Variants in MALRD1 observed in about 807,000 individuals in gnomAD.
MALRD1 encodes MAM and LDL-receptor class A domain-containing protein 1.
MALRD1 carries 247 observed loss-of-function variants against 242.1 expected under a neutral mutation model. The observed-to-expected ratio is 1.02, with a 90% CI of 0.92 to 1.13. The LOEUF is 1.13. Ranked by LOEUF, MALRD1 falls within the 50% of genes most tolerant of loss-of-function variation. The probability of loss-of-function intolerance (pLI) is 0.00; values close to 1 mark genes in which losing one functional copy is unlikely to be tolerated. For missense variants in MALRD1, 2,989 were observed against 2,533.1 expected (o/e 1.18, Z -3.86); for synonymous variants, 995 against 866.6 (o/e 1.15, Z -2.60).
In MALRD1 at chr10:19,418,932, C is replaced by T. The variant is rs137880217; in HGVS notation, c.4845+29323C>T. Among the ~76,000 whole-genome samples the T allele has an allele frequency of 4.6e-3, 702 of 152,272 alleles. 3 individuals carry two copies. The highest frequency in any genetic ancestry group is 0.016 in the African/African-American group (668 of 41,568). On this transcript the variant is annotated intron_variant, in intron 28 of 39. Coordinates refer to ENST00000454679, the MANE Select transcript of MALRD1 (RefSeq NM_001142308.3). ...GGGACAGTGCCCTTTATCCACATTG[C>T]CTCCTTGAAAGCTATTCTGTCTATC...
chr10:19,419,056 C>A (rs1833617814), intron 28 of MALRD1, among the ~76,000 whole-genome samples: 1 of 152,130 alleles, frequency 6.6e-6, no homozygotes, highest in Admixed American at 6.6e-5. Context: ...TGAACTCAAC[C>A]ATTTCAGTAT....
intron 24 of MALRD1, among the ~76,000 whole-genome samples, chr10:19,345,278 C>T (rs894065348): frequency 7.9e-5 from 12 of 152,068 alleles, no homozygotes; most frequent in Non-Finnish European, 1.8e-4. Context: ...ATCTGTTTTT[C>T]AGCAGCACAC....
chr10:19,276,066 A>T (rs943609373), intron 19 of MALRD1, among the ~76,000 whole-genome samples: 1 of 152,200 alleles, frequency 6.6e-6, no homozygotes, highest in Admixed American at 6.5e-5. Flanking sequence ...TGCAAATGAC[A>T]GTCATCTCTG....
chr10:19,143,216 A>C (rs1833610551), intron 10 of MALRD1, among the ~76,000 whole-genome samples: 1 of 152,266 alleles, frequency 6.6e-6, no homozygotes, highest in African/African-American at 2.4e-5. Flanking sequence ...GCCAAATTTC[A>C]ACATTTATAC....
intron 33 of MALRD1, among the ~76,000 whole-genome samples, chr10:19,593,272 T>G (rs1376946694): frequency 6.6e-6 from 1 of 152,198 alleles, no homozygotes; most frequent in Non-Finnish European, 1.5e-5. Flanking sequence ...CTCTCCTACT[T>G]AAATATACTT....
At chr10:19,357,270 G>T (rs1844680872) in intron 26 of MALRD1, among the ~76,000 whole-genome samples, 1 of 151,988 alleles carries the variant, frequency 6.6e-6, no homozygotes, top group South Asian at 2.1e-4. Flanking sequence ...CTATAAAGCA[G>T]AGATAATTTC....
intron 29 of MALRD1, among the ~76,000 whole-genome samples, chr10:19,455,943 T>C (rs1320948158): frequency 6.6e-6 from 1 of 152,150 alleles, no homozygotes; most frequent in African/African-American, 2.4e-5. Context: ...TTCCCCTCCA[T>C]GTTTTCTACT....
chr10:19,635,385 G>T (rs1219559515), intron 36 of MALRD1, among the ~76,000 whole-genome samples: 1 of 151,940 alleles, frequency 6.6e-6, no homozygotes, highest in East Asian at 1.9e-4. Flanking sequence ...AAGAAATATA[G>T]TTCATAAGAA....
Position 19,147,931 on chromosome 10 carries a change from G to A in MALRD1, c.1558+1587G>A, listed in dbSNP as rs775170204. Among the ~76,000 whole-genome samples, 114 of 152,168 alleles carry A rather than the reference G, an allele frequency of 7.5e-4. 1 individual carries two copies. Among genetic ancestry groups the A allele is most frequent in the Non-Finnish European group, 2.4e-4 (16 of 68,038 alleles). On this transcript the variant is annotated intron_variant, in intron 11 of 39. Coordinates refer to ENST00000454679, the MANE Select transcript of MALRD1 (RefSeq NM_001142308.3). ...GAGGGCAGAAAGATGGGAGTAGTTAGGGATGAAAGACGTGTGTGATTGGAC... is the reference window on the plus strand; with the variant it reads ...GAGGGCAGAAAGATGGGAGTAGTTAAGGATGAAAGACGTGTGTGATTGGAC...
At chr10:19,132,388 G>A (rs1039439152) in intron 8 of MALRD1, among the ~76,000 whole-genome samples, 1 of 152,196 alleles carries the variant, frequency 6.6e-6, no homozygotes, top group East Asian at 1.9e-4. Context: ...TCCACCCCGT[G>A]TGCTTCACTG....
Position 19,595,342 on chromosome 10 carries a change from C to T in MALRD1, c.5829C>T (p.Thr1943=). 1 of 1,550,714 alleles carries T rather than the reference C, an allele frequency of 6.4e-7. No individual in the cohort carries two copies. The highest frequency in any genetic ancestry group is 8.7e-7 in the Non-Finnish European group (1 of 1,146,978). ...AAATGGATTGTCCTCTCAGCCCCAC[C>T]CCTCCACTCTGTAGTAACATGGAGT... ...SDEMDCPLSP[T]PPLCSNMEFP... Residue 1943 remains threonine (T), a synonymous_variant, in exon 34 of 40, where the codon ACC becomes ACT. Coordinates refer to ENST00000454679, the MANE Select transcript of MALRD1 (RefSeq NM_001142308.3).
intron 10 of MALRD1, among the ~76,000 whole-genome samples, chr10:19,145,364 C>A (rs1388519940): frequency 6.6e-6 from 1 of 152,160 alleles, no homozygotes; most frequent in Non-Finnish European, 1.5e-5. Flanking sequence ...CAGGCTCAGG[C>A]TGGGCACAGT....
At chr10:19,727,536 TTAATAA>T (rs1005948523) in intron 38 of MALRD1, among the ~76,000 whole-genome samples, 1 of 152,176 alleles carries the variant, frequency 6.6e-6, no homozygotes, top group African/African-American at 2.4e-5. Context: ...TAAGATAAAC[TTAATAA>T]TAATTTATAT....
intron 26 of MALRD1, among the ~76,000 whole-genome samples, chr10:19,384,021 T>A (rs1461415387): frequency 6.6e-6 from 1 of 151,818 alleles, no homozygotes; most frequent in Admixed American, 6.6e-5. Flanking sequence ...ACTTAAGGTC[T>A]GAATGATAAT....
intron 10 of MALRD1, among the ~76,000 whole-genome samples, chr10:19,145,440 T>G (rs1024831925): frequency 6.6e-6 from 1 of 151,956 alleles, no homozygotes; most frequent in African/African-American, 2.4e-5. Flanking sequence ...GGTCAGGAGT[T>G]CGAGACCAGC....
chr10:19,468,070 A>G (rs1287572507), intron 29 of MALRD1, among the ~76,000 whole-genome samples: 1 of 151,470 alleles, frequency 6.6e-6, no homozygotes, highest in African/African-American at 2.4e-5. Flanking sequence ...CTGGGATTAC[A>G]TATGTGAGCT....
chr10:19,335,783 T>C (rs1015324558), intron 24 of MALRD1, among the ~76,000 whole-genome samples: 2 of 152,132 alleles, frequency 1.3e-5, no homozygotes, highest in African/African-American at 4.8e-5. Context: ...TCTAAAGATA[T>C]AAAACATTTC....
chr10:19,348,258 CTG>C (rs1199550719), intron 25 of MALRD1, among the ~76,000 whole-genome samples: 1 of 151,226 alleles, frequency 6.6e-6, no homozygotes, highest in East Asian at 1.9e-4. Flanking sequence ...GTTTGGGAAA[CTG>C]TTGGAAAATT....
At chr10:19,247,214 C>G (rs890965718) in intron 18 of MALRD1, among the ~76,000 whole-genome samples, 1 of 151,948 alleles carries the variant, frequency 6.6e-6, no homozygotes. Flanking sequence ...GTACTACTGC[C>G]ACATCTTCAC....
Sources: gnomAD v4.1 joint callset for allele counts (sites outside exome capture counted in the v4.1 genomes callset) on GRCh38, gnomAD v4.1.1 for gene constraint, MANE v1.5 for transcripts, NCBI Gene and HGNC (gene_info 2026-07-23, HGNC 2026-07-21) for gene names.